SIPA1L2: variants seen among roughly 807,000 people sequenced by gnomAD.
SIPA1L2 encodes signal-induced proliferation-associated 1-like protein 2.
In SIPA1L2, 56 loss-of-function variants were observed where a neutral mutation model predicts 163.9. The observed-to-expected ratio is 0.34, with a 90% CI of 0.28 to 0.43. SIPA1L2 has a LOEUF of 0.43. Ranked by LOEUF, SIPA1L2 falls within the 20% of genes least tolerant of loss-of-function variation. The pLI is 1.00. For missense variants in SIPA1L2, 1,974 were observed against 2,193.5 expected, an observed-to-expected ratio of 0.90 and a Z score of 2.00; for synonymous variants, 877 against 865.7, an observed-to-expected ratio of 1.01 and a Z score of -0.23.
At chr1:232,622,990 G>A (rs760899529) in intron 1 of SIPA1L2, among the ~76,000 whole-genome samples, 2 of 152,300 alleles carry the variant, frequency 1.3e-5, no homozygotes, top group Non-Finnish European at 2.9e-5. Context: ...AGGGAATACA[G>A]CAGTAAACCA....
At chr1:232,597,710 A>G (rs1027464147) in intron 1 of SIPA1L2, among the ~76,000 whole-genome samples, 37 of 147,042 alleles carry the variant, frequency 2.5e-4, no homozygotes, top group Non-Finnish European at 4.4e-4. Flanking sequence ...AAAAAAAAAA[A>G]AAAAAGTAAC....
intron 20 of SIPA1L2, 32 bp downstream of exon 20, chr1:232,404,093 T>C: frequency 6.2e-7 from 1 of 1,613,300 alleles, no homozygotes; most frequent in African/African-American, 1.3e-5. Flanking sequence ...TTACAGGATA[T>C]CAGGAGCCAA....
chr1:232,463,503 T>C (rs1194091533), intron 9 of SIPA1L2, among the ~76,000 whole-genome samples: 4 of 152,224 alleles, frequency 2.6e-5, no homozygotes, highest in Admixed American at 6.5e-5. Flanking sequence ...TGTAATATTG[T>C]GCATCTTGGT....
chr1:232,437,771 G>C (rs1251547299), intron 15 of SIPA1L2, among the ~76,000 whole-genome samples: 1 of 152,164 alleles, frequency 6.6e-6, no homozygotes, highest in African/African-American at 2.4e-5. Context: ...GCTTTGGAGA[G>C]GGCAGAAACC....
intron 19 of SIPA1L2, among the ~76,000 whole-genome samples, chr1:232,408,255 C>T (rs1255019344): frequency 6.7e-6 from 1 of 150,252 alleles, no homozygotes; most frequent in African/African-American, 2.4e-5. Flanking sequence ...GGGCATCCAA[C>T]TTACTTTTGC....
chr1:232,619,343 T>C (rs1662677206), intron 1 of SIPA1L2, among the ~76,000 whole-genome samples: 2 of 152,216 alleles, frequency 1.3e-5, no homozygotes, highest in Admixed American at 6.5e-5. Context: ...CGCCCATCTA[T>C]CATATGGTCT....
At chr1:232,440,477 G>T (rs1662823849) in intron 14 of SIPA1L2, among the ~76,000 whole-genome samples, 1 of 152,156 alleles carries the variant, frequency 6.6e-6, no homozygotes, top group Non-Finnish European at 1.5e-5. Flanking sequence ...ACCAATATGA[G>T]AATATTGTAA....
At chr1:232,566,309 T>C (rs780221294) in intron 2 of SIPA1L2, among the ~76,000 whole-genome samples, 1 of 152,236 alleles carries the variant, frequency 6.6e-6, no homozygotes, top group Non-Finnish European at 1.5e-5. Flanking sequence ...CACTATCCAT[T>C]GTTCCTCACT....
intron 10 of SIPA1L2, among the ~76,000 whole-genome samples, chr1:232,449,472 A>C (rs999013517): frequency 2.0e-4 from 30 of 149,338 alleles, no homozygotes; most frequent in African/African-American, 7.1e-4. Flanking sequence ...GAGCTGAGAT[A>C]GTGCCACTGC....
intron 7 of SIPA1L2, among the ~76,000 whole-genome samples, chr1:232,474,475 G>T (rs1664940098): frequency 6.6e-6 from 1 of 152,128 alleles, no homozygotes; most frequent in African/African-American, 2.4e-5. Flanking sequence ...AAACAAACCA[G>T]TATCTCACAA....
At chr1:232,587,366 G>C (rs1319624454) in intron 1 of SIPA1L2, among the ~76,000 whole-genome samples, 2 of 152,074 alleles carry the variant, frequency 1.3e-5, no homozygotes, top group Non-Finnish European at 2.9e-5. Context: ...GTAATACTAA[G>C]TTCATAACGA....
At chr1:232,531,815 A>G (rs1215695509) in intron 2 of SIPA1L2, among the ~76,000 whole-genome samples, 2 of 152,188 alleles carry the variant, frequency 1.3e-5, no homozygotes, top group African/African-American at 4.8e-5. Flanking sequence ...ACGGTGGCTA[A>G]GGAAATACCT....
chr1:232,468,225 G>A lies in SIPA1L2; in HGVS notation c.2244-2809C>T, dbSNP rs1262336422. ...TGTGGAAACGAGAACTTACATCAGA[G>A]CTCCTTATTTCACCCAAATAACTCG... On this transcript the variant is annotated intron_variant, in intron 8 of 22. Coordinates refer to ENST00000674635, the MANE Select transcript of SIPA1L2 (RefSeq NM_020808.5). Among the ~76,000 whole-genome samples the A allele has an allele frequency of 3.9e-5, 6 of 152,182 alleles. No homozygotes were observed. In the East Asian group the frequency reaches 1.2e-3, roughly 29 times the overall value.
rs543392666 is a variant in SIPA1L2 at position 232,536,224 on chromosome 1, C to T, written c.-269-20616G>A. On this transcript the variant is annotated intron_variant, in intron 2 of 22. Transcript: ENST00000674635. Reference sequence around the variant, plus strand: ...CCATTCCAGCTTGGGCCTGAGGCATCTCTCGCCTCTCTCCCGAAATCCTTC... The same window carrying T: ...CCATTCCAGCTTGGGCCTGAGGCATTTCTCGCCTCTCTCCCGAAATCCTTC... 2.0e-4 allele frequency among the ~76,000 whole-genome samples: 30 copies of T among 152,354 alleles called. No homozygotes were observed. In the South Asian group the frequency reaches 6.2e-3, roughly 32 times the overall value.
chr1:232,520,334 G>T (rs1022425428), intron 2 of SIPA1L2, among the ~76,000 whole-genome samples: 2 of 152,242 alleles, frequency 1.3e-5, no homozygotes, highest in South Asian at 4.1e-4. Context: ...GCCCCCAAGT[G>T]AGGAAGGGCT....
intron 5 of SIPA1L2, among the ~76,000 whole-genome samples, chr1:232,484,229 G>A (rs1200085244): frequency 2.6e-5 from 4 of 152,190 alleles, no homozygotes; most frequent in South Asian, 2.1e-4. Context: ...GATTTGCCAG[G>A]TTTCCAAAAA....
At chr1:232,441,490 G>T in intron 13 of SIPA1L2, 96 bp from the exon 14 acceptor site, 2 of 1,024,820 alleles carry the variant, frequency 2.0e-6, no homozygotes, top group South Asian at 1.4e-5. Context: ...TGGTAAACAT[G>T]AACAGGCTTG....
At chr1:232,405,386 G>A (rs1660577796) in intron 19 of SIPA1L2, among the ~76,000 whole-genome samples, 1 of 152,208 alleles carries the variant, frequency 6.6e-6, no homozygotes. Context: ...ACATTCCTGA[G>A]CATCATGTTA....
At chr1:232,460,660 T>G (rs542952547) in intron 10 of SIPA1L2, among the ~76,000 whole-genome samples, 1 of 152,354 alleles carries the variant, frequency 6.6e-6, no homozygotes, top group African/African-American at 2.4e-5. Flanking sequence ...TCCATTAAAA[T>G]GCTTAGCAAA....
Sources: allele counts gnomAD v4.1 joint callset (sites outside exome capture counted in the v4.1 genomes callset), GRCh38; gene constraint gnomAD v4.1.1; transcripts MANE v1.5; gene names NCBI Gene and HGNC (gene_info 2026-07-23, HGNC 2026-07-21).